Variants in DMXL1 observed in about 807,000 individuals in gnomAD.
DMXL1 encodes the protein dmX-like protein 1.
A neutral mutation model predicts 319.2 loss-of-function variants in DMXL1; 99 were observed. That is an observed-to-expected ratio of 0.31 (90% CI 0.26 to 0.37). The LOEUF (loss-of-function observed/expected upper bound fraction) is 0.37. Ranked by LOEUF, DMXL1 falls within the 10% of genes least tolerant of loss-of-function variation. The pLI is 1.00. For synonymous variants in DMXL1, 1,385 were observed against 1,235.2 expected (o/e 1.12, Z -2.54); for missense variants, 3,745 against 3,595.6 (o/e 1.04, Z -1.06).
At position 119,098,112 on chromosome 5, in the gene DMXL1, ATCTTCT is replaced by A. The variant is rs768021032; in HGVS notation, c.213+12_213+17del. The stretch of plus-strand genomic sequence containing the variant: ...TCAATGCAACAAGGCAAGGTTTGTA[ATCTTCT>A]TCTAATATACAAATTTGTTTGGAAT... On this transcript the variant is annotated intron_variant, in intron 2 of 43. Coordinates refer to ENST00000539542, the MANE Select transcript of DMXL1 (RefSeq NM_001290321.3). 1 of 1,597,532 alleles carries A rather than the reference ATCTTCT, an allele frequency of 6.3e-7. No individual in the cohort carries two copies. The highest frequency in any genetic ancestry group is 2.3e-5 in the East Asian group (1 of 44,206).
intron 9 of DMXL1, among the ~76,000 whole-genome samples, chr5:119,125,068 T>C (rs1405254756): frequency 1.3e-5 from 2 of 152,242 alleles, no homozygotes; most frequent in African/African-American, 4.8e-5. Context: ...AATAGATACA[T>C]TAAATTTACC....
rs1790152650 is a variant in DMXL1 at position 119,248,924 on chromosome 5, C to T, written c.*1705C>T. On this transcript the variant is annotated 3_prime_UTR_variant, in exon 44 of 44. Coordinates refer to ENST00000539542, the MANE Select transcript of DMXL1 (RefSeq NM_001290321.3). ...ACCTTAAGTTATTTTTCAGTAATTT[C>T]TTCACAAATCAAGATTCAAACAGCT... 6.6e-6 allele frequency: 1 copy of T among 152,352 alleles called. No individual in the cohort carries two copies. The highest frequency in any genetic ancestry group is 6.6e-5 in the Admixed American group (1 of 15,258). The allele number at this position is 152,352 out of a possible 1,614,324, so 9.4% of individuals were successfully genotyped here.
chr5:119,236,042 T>C (rs890423400), intron 39 of DMXL1, among the ~76,000 whole-genome samples: 1 of 151,470 alleles, frequency 6.6e-6, no homozygotes, highest in Non-Finnish European at 1.5e-5. Context: ...TTCATAATAT[T>C]AGTCATATCA....
At chr5:119,154,414 T>C (rs558924277) in intron 19 of DMXL1, among the ~76,000 whole-genome samples, 1 of 152,366 alleles carries the variant, frequency 6.6e-6, no homozygotes, top group African/African-American at 2.4e-5. Flanking sequence ...CAAGGTAGCC[T>C]TATTGCTTAT....
chr5:119,126,506 A>AT (rs1763609852), intron 9 of DMXL1, among the ~76,000 whole-genome samples: 2 of 152,184 alleles, frequency 1.3e-5, no homozygotes, highest in Non-Finnish European at 2.9e-5. Context: ...GGGGATATCT[A>AT]TTCAATAAAA....
intron 19 of DMXL1, among the ~76,000 whole-genome samples, chr5:119,163,931 C>G (rs574185488): frequency 6.6e-6 from 1 of 152,028 alleles, no homozygotes; most frequent in Non-Finnish European, 1.5e-5. Context: ...AGACTGGTCT[C>G]GAACTTCTGA....
chr5:119,115,664 A>G (rs1311950211), intron 6 of DMXL1, among the ~76,000 whole-genome samples: 1 of 152,174 alleles, frequency 6.6e-6, no homozygotes, highest in South Asian at 2.1e-4. Flanking sequence ...CCAAATTATG[A>G]CTATAAATTT....
rs573153106 is a variant in DMXL1 at position 119,088,855 on chromosome 5, T to C, written c.88-9124T>C. ...GTCTCTTAAAAAGTTATTGTAGATATTGTTTTTGATAGATTTGTCTTTTGG... is the reference window on the plus strand; with the variant it reads ...GTCTCTTAAAAAGTTATTGTAGATACTGTTTTTGATAGATTTGTCTTTTGG... On this transcript the variant is annotated intron_variant, in intron 1 of 43. Coordinates refer to ENST00000539542, the MANE Select transcript of DMXL1 (RefSeq NM_001290321.3). Among the ~76,000 whole-genome samples the C allele has an allele frequency of 2.5e-3, 380 of 152,318 alleles. 2 individuals carry two copies. Among genetic ancestry groups the C allele is most frequent in the African/African-American group, 8.3e-3 (346 of 41,578 alleles).
chr5:119,086,109 C>T (rs1248991530), intron 1 of DMXL1, among the ~76,000 whole-genome samples: 1 of 152,304 alleles, frequency 6.6e-6, no homozygotes, highest in East Asian at 1.9e-4. Context: ...GCCTCACAAT[C>T]ATGGCTGAAG....
At chr5:119,145,499 A>G (rs946508390) in intron 15 of DMXL1, among the ~76,000 whole-genome samples, 1 of 151,790 alleles carries the variant, frequency 6.6e-6, no homozygotes, top group Non-Finnish European at 1.5e-5. Flanking sequence ...TGGGGATTAA[A>G]GATATCAGGC....
At chr5:119,184,965 G>A (rs1483470911) in intron 28 of DMXL1, among the ~76,000 whole-genome samples, 1 of 152,116 alleles carries the variant, frequency 6.6e-6, no homozygotes, top group African/African-American at 2.4e-5. Context: ...AGTGACTTCA[G>A]GCTTTTGAAG....
intron 1 of DMXL1, among the ~76,000 whole-genome samples, chr5:119,078,539 C>G (rs1561529170): frequency 6.6e-6 from 1 of 152,194 alleles, no homozygotes; most frequent in Non-Finnish European, 1.5e-5. Flanking sequence ...CAGCCTCAAT[C>G]TCCTAGGCTC....
At chr5:119,205,737 C>T (rs1486829300) in intron 33 of DMXL1, among the ~76,000 whole-genome samples, 1 of 151,994 alleles carries the variant, frequency 6.6e-6, no homozygotes, top group East Asian at 1.9e-4. Context: ...CATAGTAAAG[C>T]ATAGATTTGA....
intron 26 of DMXL1, among the ~76,000 whole-genome samples, chr5:119,176,741 T>G (rs116427893): frequency 6.6e-6 from 1 of 152,078 alleles, no homozygotes; most frequent in Non-Finnish European, 1.5e-5. Context: ...CAGAATTATT[T>G]CATAGTTTAT....
At chr5:119,112,764 C>T (rs1759936354) in intron 5 of DMXL1, among the ~76,000 whole-genome samples, 1 of 152,068 alleles carries the variant, frequency 6.6e-6, no homozygotes, top group Non-Finnish European at 1.5e-5. Context: ...CAAGACCAGC[C>T]TGGCCACCAT....
At chr5:119,207,297 A>G (rs1159419054) in intron 34 of DMXL1, among the ~76,000 whole-genome samples, 2 of 152,148 alleles carry the variant, frequency 1.3e-5, no homozygotes, top group Non-Finnish European at 2.9e-5. Flanking sequence ...AATTAATGAT[A>G]TTAAAAAATT....
At chr5:119,106,462 G>T (rs1317392395) in intron 4 of DMXL1, among the ~76,000 whole-genome samples, 3 of 152,170 alleles carry the variant, frequency 2.0e-5, no homozygotes, top group African/African-American at 7.2e-5. Flanking sequence ...CACAGAGAGA[G>T]AAAGCATAAG....
chr5:119,094,587 T>C (rs1244041114), intron 1 of DMXL1, among the ~76,000 whole-genome samples: 1 of 152,234 alleles, frequency 6.6e-6, no homozygotes, highest in East Asian at 1.9e-4. Context: ...CTTCCAACTT[T>C]TAAAGTCTTA....
At chr5:119,226,742 T>A (rs1041493408) in intron 38 of DMXL1, among the ~76,000 whole-genome samples, 3 of 152,198 alleles carry the variant, frequency 2.0e-5, no homozygotes, top group Admixed American at 2.0e-4. Flanking sequence ...GCATACTGGC[T>A]ATAAATCAGA....
Sources: gnomAD v4.1 joint callset for allele counts (sites outside exome capture counted in the v4.1 genomes callset) on GRCh38, gnomAD v4.1.1 for gene constraint, MANE v1.5 for transcripts, NCBI Gene and HGNC (gene_info 2026-07-23, HGNC 2026-07-21) for gene names.